The following NTNG1 variants were observed in gnomAD, a reference collection of about 807,000 sequenced individuals.
The protein encoded by NTNG1 is netrin G1, also known as netrin-G1.
NTNG1 carries 16 observed loss-of-function variants against 54.0 expected under a neutral mutation model. The observed-to-expected ratio is 0.30, with a 90% CI of 0.20 to 0.45. NTNG1 has a LOEUF of 0.45. Among genes scored for constraint, NTNG1 ranks in the 20% least tolerant of loss-of-function variants. NTNG1 has a pLI of 1.00. For synonymous variants in NTNG1, 255 were observed against 263.1 expected (o/e 0.97, Z 0.30); for missense variants, 530 against 678.7 (o/e 0.78, Z 2.43).
At chr1:107,392,069 GAGTTT>G (rs1672398860) in intron 3 of NTNG1, among the ~76,000 whole-genome samples, 1 of 152,134 alleles carries the variant, frequency 6.6e-6, no homozygotes, top group African/African-American at 2.4e-5. Context: ...GGAAGCCAAA[GAGTTT>G]AGTTTGGGGA....
Position 107,146,740 on chromosome 1 carries a change from C to G in NTNG1, c.-525-1329C>G, listed in dbSNP as rs533790206. Among the ~76,000 whole-genome samples the G allele has an allele frequency of 7.9e-4, 120 of 152,112 alleles. 3 individuals are homozygous for G. In the South Asian group the frequency reaches 0.024, roughly 30 times the overall value. Reference sequence around the variant, plus strand: ...TGAATTGAATATAATGAAAATTGCACTTGCATCCATAAAGCAATTATTATA... The same window carrying G: ...TGAATTGAATATAATGAAAATTGCAGTTGCATCCATAAAGCAATTATTATA... On this transcript the variant is annotated intron_variant, in intron 1 of 7. Transcript: ENST00000370068.
chr1:107,435,370 A>C (rs913070961), intron 6 of NTNG1, among the ~76,000 whole-genome samples: 3 of 152,162 alleles, frequency 2.0e-5, no homozygotes, highest in African/African-American at 4.8e-5. Context: ...AAGCCAGGCA[A>C]GGAGAGAGCA....
At chr1:107,388,846 G>A (rs1672184776) in intron 3 of NTNG1, among the ~76,000 whole-genome samples, 1 of 152,174 alleles carries the variant, frequency 6.6e-6, no homozygotes, top group South Asian at 2.1e-4. Context: ...AAGTCAAGGT[G>A]GCTGCAGAGA....
chr1:107,458,892 T>C (rs1677109933), intron 7 of NTNG1, among the ~76,000 whole-genome samples: 1 of 152,184 alleles, frequency 6.6e-6, no homozygotes, highest in Non-Finnish European at 1.5e-5. Flanking sequence ...GGAAACATTG[T>C]TTTCTTGTAA....
chr1:107,415,682 A>G (rs1674151172), intron 5 of NTNG1, among the ~76,000 whole-genome samples: 1 of 152,174 alleles, frequency 6.6e-6, no homozygotes, highest in Non-Finnish European at 1.5e-5. Flanking sequence ...AATGAAATTA[A>G]TACATTCCAC....
At chr1:107,430,548 C>T (rs1262592089) in intron 5 of NTNG1, 4 of 712,452 alleles carry the variant, frequency 5.6e-6, no homozygotes, top group Admixed American at 5.6e-5. Context: ...TTCCGAATGT[C>T]CGACCTTTCT....
At chr1:107,402,935 C>T (rs891721630) in intron 4 of NTNG1, among the ~76,000 whole-genome samples, 1 of 152,102 alleles carries the variant, frequency 6.6e-6, no homozygotes, top group African/African-American at 2.4e-5. Context: ...ATCCTTATCC[C>T]TTCTGCTTCC....
chr1:107,141,195 CCTCTCCCGCCGG>C (rs1653650385), intron 1 of NTNG1, 55 bp downstream of exon 1: 1 of 151,860 alleles, frequency 6.6e-6, no homozygotes, highest in Admixed American at 6.6e-5. Flanking sequence ...TCCTCGGGGT[CCTCTCCCGCCGG>C]CGGCCGGGCG....
chr1:107,235,918 A>G (rs183329782), intron 2 of NTNG1, among the ~76,000 whole-genome samples: 1 of 152,206 alleles, frequency 6.6e-6, no homozygotes, highest in East Asian at 1.9e-4. Flanking sequence ...AGATTATAGA[A>G]TGCTCCCCTC....
At chr1:107,429,671 C>A (rs867450947) in intron 5 of NTNG1, among the ~76,000 whole-genome samples, 6 of 152,098 alleles carry the variant, frequency 3.9e-5, no homozygotes, top group Admixed American at 3.3e-4. Context: ...TCCTGGCTGA[C>A]CTTCCTTATA....
At chr1:107,298,017 C>G (rs1422176326) in intron 2 of NTNG1, among the ~76,000 whole-genome samples, 2 of 151,922 alleles carry the variant, frequency 1.3e-5, no homozygotes, top group Non-Finnish European at 2.9e-5. Flanking sequence ...ATCAGCCATA[C>G]CCAGAATACT....
intron 1 of NTNG1, among the ~76,000 whole-genome samples, chr1:107,144,119 C>T (rs1368543569): frequency 1.3e-5 from 2 of 151,976 alleles, no homozygotes; most frequent in Non-Finnish European, 2.9e-5. Context: ...ATGCTTTCTT[C>T]AGAACAAATA....
chr1:107,340,799 A>G (rs1668857024), intron 3 of NTNG1, among the ~76,000 whole-genome samples: 1 of 152,014 alleles, frequency 6.6e-6, no homozygotes, highest in Admixed American at 6.6e-5. Context: ...CCATTTGTTT[A>G]CTTGATAGAC....
intron 7 of NTNG1, among the ~76,000 whole-genome samples, chr1:107,472,294 G>T (rs1027506134): frequency 2.0e-5 from 3 of 152,136 alleles, no homozygotes; most frequent in Non-Finnish European, 2.9e-5. Flanking sequence ...CATATATTTG[G>T]TCAAGAAGGG....
chr1:107,259,885 A>G (rs1247660582), intron 2 of NTNG1, among the ~76,000 whole-genome samples: 1 of 152,174 alleles, frequency 6.6e-6, no homozygotes, highest in Admixed American at 6.5e-5. Flanking sequence ...TCATAAATAG[A>G]TTTCAGCATT....
rs1054941537 is a variant in NTNG1 at position 107,344,230 on chromosome 1, C to A, written c.887+19308C>A. 2.3e-4 allele frequency among the ~76,000 whole-genome samples: 35 copies of A among 152,138 alleles called. 1 individual carries two copies. Among genetic ancestry groups the A allele is most frequent in the Non-Finnish European group, 4.3e-4 (29 of 68,032 alleles). On this transcript the variant is annotated intron_variant, in intron 3 of 7. Coordinates refer to ENST00000370068, the MANE Select transcript of NTNG1 (RefSeq NM_001113226.3). ...TAATGCTTATGTTTGGAAACATTTA[C>A]TAATTTATTTTCCCACTTAATTACA... is the stretch of plus-strand genomic sequence containing the variant.
At chr1:107,184,683 G>A (rs938913653) in intron 2 of NTNG1, among the ~76,000 whole-genome samples, 3 of 152,084 alleles carry the variant, frequency 2.0e-5, no homozygotes, top group African/African-American at 7.2e-5. Context: ...AAGCTGCCAT[G>A]GACCATCACC....
intron 2 of NTNG1, among the ~76,000 whole-genome samples, chr1:107,192,570 C>T (rs1240252148): frequency 6.6e-6 from 1 of 152,002 alleles, no homozygotes; most frequent in Non-Finnish European, 1.5e-5. Context: ...CACAGGGGCC[C>T]TAGGGACACA....
intron 4 of NTNG1, among the ~76,000 whole-genome samples, chr1:107,406,425 T>C (rs1222373389): frequency 4.6e-5 from 7 of 152,144 alleles, no homozygotes; most frequent in Non-Finnish European, 8.8e-5. Context: ...TCAGACATTT[T>C]TATGGATTAT....
Sources: gnomAD v4.1 joint callset for allele counts (sites outside exome capture counted in the v4.1 genomes callset) on GRCh38, gnomAD v4.1.1 for gene constraint, MANE v1.5 for transcripts, NCBI Gene and HGNC (gene_info 2026-07-23, HGNC 2026-07-21) for gene names.